The following RUNX1 variants were observed in gnomAD, a reference collection of about 807,000 sequenced individuals.
RUNX1 encodes the protein RUNX family transcription factor 1.
In RUNX1, 19 loss-of-function variants were observed where a neutral mutation model predicts 42.8. That is an observed-to-expected ratio of 0.44 (90% confidence interval 0.31 to 0.65). The LOEUF (loss-of-function observed/expected upper bound fraction) is 0.65, where lower values mean the gene tolerates loss of function less well. RUNX1 is among the 30% of genes least tolerant of loss of function. RUNX1 has a pLI of 0.07. For synonymous variants in RUNX1, 271 were observed against 289.4 expected (o/e 0.94, Z 0.64); for missense variants, 528 against 672.0 (o/e 0.79, Z 2.37).
chr21:34,861,879 G>C (rs147947182), intron 5 of RUNX1, among the ~76,000 whole-genome samples: 1 of 152,276 alleles, frequency 6.6e-6, no homozygotes, highest in Non-Finnish European at 1.5e-5. Flanking sequence ...TGATTATTTA[G>C]GGTGTCATAC....
At chr21:34,984,472 C>G (rs2058870317) in intron 2 of RUNX1, among the ~76,000 whole-genome samples, 1 of 152,106 alleles carries the variant, frequency 6.6e-6, no homozygotes, top group African/African-American at 2.4e-5. Context: ...GTGGGGGAGG[C>G]CACTGCAATA....
At chr21:34,845,075 C>T (rs531856839) in intron 6 of RUNX1, among the ~76,000 whole-genome samples, 1 of 152,232 alleles carries the variant, frequency 6.6e-6, no homozygotes, top group Admixed American at 6.5e-5. Context: ...GAAGCAGCCA[C>T]CTGCTGAGAA....
At chr21:34,967,586 T>A (rs1256969585) in intron 2 of RUNX1, among the ~76,000 whole-genome samples, 1 of 152,096 alleles carries the variant, frequency 6.6e-6, no homozygotes, top group African/African-American at 2.4e-5. Context: ...TGTAGTGTTT[T>A]AAAGAGAAAA....
At chr21:34,883,488 G>A (rs1361593027) in intron 4 of RUNX1, among the ~76,000 whole-genome samples, 1 of 152,120 alleles carries the variant, frequency 6.6e-6, no homozygotes, top group Non-Finnish European at 1.5e-5. Flanking sequence ...TACAGGTTTT[G>A]TCACTGATGG....
At chr21:34,801,909 G>A (rs959251771) in intron 7 of RUNX1, among the ~76,000 whole-genome samples, 4 of 152,188 alleles carry the variant, frequency 2.6e-5, no homozygotes, top group Admixed American at 6.5e-5. Flanking sequence ...GTGAACTCTT[G>A]GTCTTTCTGT....
At chr21:34,988,177 G>A (rs748671648) in intron 2 of RUNX1, among the ~76,000 whole-genome samples, 8 of 152,196 alleles carry the variant, frequency 5.3e-5, no homozygotes, top group Non-Finnish European at 7.3e-5. Context: ...GCCAGCTAAG[G>A]TAGAGGAGGG....
At chr21:34,997,540 A>G (rs1303751798) in intron 2 of RUNX1, among the ~76,000 whole-genome samples, 1 of 152,192 alleles carries the variant, frequency 6.6e-6, no homozygotes, top group Non-Finnish European at 1.5e-5. Flanking sequence ...CTAAAATTAG[A>G]TGGTAAAGTA....
At chr21:34,816,518 G>A (rs1273021074) in intron 7 of RUNX1, among the ~76,000 whole-genome samples, 1 of 152,140 alleles carries the variant, frequency 6.6e-6, no homozygotes, top group Non-Finnish European at 1.5e-5. Flanking sequence ...CAAACATGCA[G>A]CCTATCTGGT....
chr21:34,802,548 C>T (rs2056622566), intron 7 of RUNX1, among the ~76,000 whole-genome samples: 1 of 152,178 alleles, frequency 6.6e-6, no homozygotes, highest in Non-Finnish European at 1.5e-5. Flanking sequence ...ATTTTTGCTT[C>T]ACTTGGGCCA....
chr21:34,891,280 G>C lies in RUNX1; in HGVS notation c.97+1645C>G, dbSNP rs546218176. Among the ~76,000 whole-genome samples, 3 of 152,330 alleles carry C rather than the reference G, an allele frequency of 2.0e-5. No individual in the cohort carries two copies. In the East Asian group the frequency reaches 5.8e-4, roughly 29 times the overall value. ...GTTTCAACCGATAAACCCCGAGTTT[G>C]AAGCCCGACAAAAAGCTGATAGCAA... On this transcript the variant is annotated intron_variant, in intron 3 of 8. Transcript: ENST00000675419.
chr21:34,900,786 C>G (rs2058171263), intron 2 of RUNX1, among the ~76,000 whole-genome samples: 1 of 152,162 alleles, frequency 6.6e-6, no homozygotes, highest in African/African-American at 2.4e-5. Context: ...TCCAGCAAAA[C>G]CAGTTCCCTA....
In RUNX1 at chr21:34,834,586, A is replaced by G. The variant is rs2057115551; in HGVS notation, c.629T>C (p.Leu210Pro). 2 of 1,368,634 alleles carry G rather than the reference A, an allele frequency of 1.5e-6. No homozygotes were observed. The highest frequency in any genetic ancestry group is 1.9e-6 in the Non-Finnish European group (2 of 1,028,306). 84.8% of individuals were successfully genotyped at this position (1,368,634 alleles called of 1,614,324 possible). The stretch of plus-strand genomic sequence containing the variant: ...GCTCCCGGGCTTGGTCTGATCATCT[A>G]GTTTCTGCCGATGTCCTATTGTGGG... ...PREPRRHRQKLDDQTKPGSLS... is the reference protein window; with the variant it reads ...PREPRRHRQKPDDQTKPGSLS... The change falls in exon 7 of 9, where the codon CTA (leucine) becomes CCA (proline). Residue 210 changes from leucine (L) to proline (P), a missense_variant. Physicochemically the swap from Leu to Pro is moderately conservative, Grantham distance 98. Transcript: ENST00000675419.
At chr21:34,891,305 A>G (rs1386220670) in intron 3 of RUNX1, among the ~76,000 whole-genome samples, 1 of 152,228 alleles carries the variant, frequency 6.6e-6, no homozygotes, top group Non-Finnish European at 1.5e-5. Context: ...GCTGATAGCA[A>G]TCACAGCTTT....
At position 34,792,652 on chromosome 21, in the gene RUNX1, G is replaced by T; in HGVS notation, c.968-42C>A. 3.3e-6 allele frequency: 5 copies of T among 1,519,062 alleles called. No individual in the cohort carries two copies. The South Asian group carries it at 6.2e-5, about 19-fold the overall frequency. 94.1% of individuals were successfully genotyped at this position (1,519,062 alleles called of 1,614,324 possible). A position where few individuals can be genotyped will look rare whatever the true frequency, so the allele number is the denominator to read the frequency against. On this transcript the variant is annotated intron_variant, in intron 8 of 8. Coordinates refer to ENST00000675419, the MANE Select transcript of RUNX1 (RefSeq NM_001754.5). The surrounding 1 kb of genome is among the most constrained non-coding windows in gnomAD (Gnocchi z 6.9). ...AGAACGGAGCGGAAGTGAGTAGGAG[G>T]TTGCGGAGGCCACAGCTCTTCCCTC... is the stretch of plus-strand genomic sequence containing the variant.
At chr21:34,810,169 T>G (rs1437758232) in intron 7 of RUNX1, among the ~76,000 whole-genome samples, 1 of 152,258 alleles carries the variant, frequency 6.6e-6, no homozygotes, top group Non-Finnish European at 1.5e-5. Flanking sequence ...TTCTCCTAGC[T>G]GCAGCCTTAG....
intron 7 of RUNX1, among the ~76,000 whole-genome samples, chr21:34,803,364 G>A (rs1279495235): frequency 3.3e-5 from 5 of 152,028 alleles, no homozygotes; most frequent in South Asian, 2.1e-4. Flanking sequence ...TCGCTAACAC[G>A]GTGAAACCCT....
At chr21:35,033,256 C>G (rs2059285778) in intron 2 of RUNX1, among the ~76,000 whole-genome samples, 1 of 152,230 alleles carries the variant, frequency 6.6e-6, no homozygotes, top group Non-Finnish European at 1.5e-5. Flanking sequence ...AGCCATCTCT[C>G]AAATTGCTCA....
chr21:34,930,725 A>T (rs528071269), intron 2 of RUNX1, among the ~76,000 whole-genome samples: 21,601 of 150,548 alleles, frequency 0.14, 3,019 homozygotes, highest in African/African-American at 0.38. Flanking sequence ...TCTCTCACAC[A>T]CACACACACA....
At chr21:34,912,500 C>A (rs982640269) in intron 2 of RUNX1, among the ~76,000 whole-genome samples, 1 of 152,046 alleles carries the variant, frequency 6.6e-6, no homozygotes, top group Middle Eastern at 3.2e-3. Flanking sequence ...ACATATTGCA[C>A]CGATGTTTTG....
Sources: allele counts gnomAD v4.1 joint callset (sites outside exome capture counted in the v4.1 genomes callset), GRCh38; gene constraint gnomAD v4.1.1; non-coding constraint Gnocchi (gnomAD v3.1); transcripts MANE v1.5; gene names NCBI Gene and HGNC (gene_info 2026-07-23, HGNC 2026-07-21).